Variants in ARID2 observed in about 807,000 individuals in gnomAD.
ARID2 encodes AT-rich interactive domain-containing protein 2.
Under a neutral mutation model 184.6 loss-of-function variants are expected in ARID2, and 32 were observed. The observed-to-expected ratio is 0.17, with a 90% CI of 0.13 to 0.23. The LOEUF (loss-of-function observed/expected upper bound fraction) is 0.23, where lower values mean the gene tolerates loss of function less well. Among genes scored for constraint, ARID2 ranks in the 10% least tolerant of loss-of-function variants. ARID2 has a pLI of 1.00. For synonymous variants in ARID2, 836 were observed against 772.6 expected (o/e 1.08, Z -1.36); for missense variants, 1,696 against 2,197.6 (o/e 0.77, Z 4.56).
chr12:45,873,255 T>A (rs1943953364), intron 16 of ARID2, among the ~76,000 whole-genome samples: 1 of 152,242 alleles, frequency 6.6e-6, no homozygotes, highest in South Asian at 2.1e-4. Context: ...TTACTTTTAA[T>A]CTGTGTCTTT....
chr12:45,839,269 A>G (rs1943287372), intron 10 of ARID2, 60 bp from the exon 11 acceptor site: 6 of 1,438,232 alleles, frequency 4.2e-6, no homozygotes, highest in Middle Eastern at 1.8e-4. Flanking sequence ...TGTGTTCACC[A>G]GTGATGGCAT....
chr12:45,823,802 C>G (rs900777301), intron 6 of ARID2, among the ~76,000 whole-genome samples: 1 of 152,082 alleles, frequency 6.6e-6, no homozygotes, highest in Non-Finnish European at 1.5e-5. Flanking sequence ...AAAAGTTTCT[C>G]AATGAAGAAA....
Position 45,837,407 on chromosome 12 carries a change from A to G in ARID2, c.1110A>G (p.Leu370=). 1 of 1,611,642 alleles carries G rather than the reference A, an allele frequency of 6.2e-7. No homozygotes were observed. The highest frequency in any genetic ancestry group is 8.5e-7 in the Non-Finnish European group (1 of 1,178,836). ...GTCTAATGTCAAGGGATAGATTTTT[A>G]AAGATGAGAGGTGAGTTTTCACTGA... ...TKCLMSRDRF[L]KMRGMEILGN... is the part of the protein sequence containing the mutation. The change falls in exon 9 of 21, where the codon TTA becomes TTG. Residue 370 remains leucine (L), a synonymous_variant. Coordinates refer to ENST00000334344, the MANE Select transcript of ARID2 (RefSeq NM_152641.4).
chr12:45,729,986 C>A (rs1940945513), intron 1 of ARID2, 58 bp downstream of exon 1: 1 of 1,605,806 alleles, frequency 6.2e-7, no homozygotes, highest in African/African-American at 1.3e-5. Context: ...GGGGCTCTCC[C>A]GCCCGGGCCG....
intron 3 of ARID2, among the ~76,000 whole-genome samples, chr12:45,731,761 G>C (rs988655119): frequency 1.3e-5 from 2 of 151,486 alleles, no homozygotes; most frequent in African/African-American, 4.9e-5. Flanking sequence ...CTTCTTGTTT[G>C]GAACAGTGTC....
intron 3 of ARID2, among the ~76,000 whole-genome samples, chr12:45,807,604 A>G (rs1350227699): frequency 6.6e-6 from 1 of 152,188 alleles, no homozygotes; most frequent in East Asian, 1.9e-4. Flanking sequence ...TCACATAAGA[A>G]AAAATTAGTT....
intron 6 of ARID2, among the ~76,000 whole-genome samples, chr12:45,831,619 G>A (rs927023711): frequency 1.3e-5 from 2 of 151,964 alleles, no homozygotes; most frequent in African/African-American, 4.8e-5. Flanking sequence ...TATTCATTCT[G>A]TCCAGCTATA....
At chr12:45,841,814 C>T (rs572039210) in intron 11 of ARID2, 235 of 152,192 alleles carry the variant, frequency 1.5e-3, no homozygotes, top group African/African-American at 5.3e-3. Context: ...ACTTGTATTC[C>T]AGTATCCTCA....
chr12:45,834,444 G>C (rs1218304445), intron 6 of ARID2, among the ~76,000 whole-genome samples: 1 of 152,070 alleles, frequency 6.6e-6, no homozygotes, highest in Non-Finnish European at 1.5e-5. Context: ...AAAATTCTAT[G>C]TTGGCAGGCT....
chr12:45,771,244 A>T (rs1407139731), intron 3 of ARID2, among the ~76,000 whole-genome samples: 1 of 151,820 alleles, frequency 6.6e-6, no homozygotes, highest in Non-Finnish European at 1.5e-5. Context: ...TGTGATCCCA[A>T]CTACTCAGGA....
chr12:45,799,707 A>G (rs1355210545), intron 3 of ARID2, among the ~76,000 whole-genome samples: 1 of 152,258 alleles, frequency 6.6e-6, no homozygotes, highest in Non-Finnish European at 1.5e-5. Flanking sequence ...GCAAATGTGT[A>G]AGTACCAAGG....
chr12:45,903,962 A>G (rs985898360), intron 20 of ARID2, among the ~76,000 whole-genome samples: 9 of 152,122 alleles, frequency 5.9e-5, no homozygotes, highest in Non-Finnish European at 1.3e-4. Context: ...ATATTTTAGT[A>G]TACTTGCTTT....
chr12:45,899,471 T>C (rs1425306168), intron 20 of ARID2, among the ~76,000 whole-genome samples: 15 of 149,498 alleles, frequency 1.0e-4, no homozygotes, highest in Admixed American at 1.0e-3. Flanking sequence ...CTGGGCGTGG[T>C]GGCGGGCGCC....
Position 45,850,057 on chromosome 12 carries a change from C to T in ARID2, c.1934C>T (p.Thr645Ile), listed in dbSNP as rs2138158683. ...SPAGIPHGSQTIGNHFQRTPV... is the reference protein window; with the variant it reads ...SPAGIPHGSQIIGNHFQRTPV... ...TCAGGAATCCCTCATGGATCACAAACCATAGGAAACCATTTTCAGAGGACT... is the reference window on the plus strand; with the variant it reads ...TCAGGAATCCCTCATGGATCACAAATCATAGGAAACCATTTTCAGAGGACT... Residue 645 changes from threonine (T) to isoleucine (I), a missense_variant, in exon 15 of 21, where the codon ACC (threonine) becomes ATC (isoleucine). Thr to Ile is a moderately conservative substitution (Grantham distance 89). Transcript: ENST00000334344. 1 of 1,613,176 alleles carries T rather than the reference C, an allele frequency of 6.2e-7. No individual in the cohort carries two copies.
At position 45,852,008 on chromosome 12, in the gene ARID2, T is replaced by C; in HGVS notation, c.3885T>C (p.Asn1295=). 1.2e-6 allele frequency: 2 copies of C among 1,614,082 alleles called. No homozygotes were observed. Among genetic ancestry groups the C allele is most frequent in the Non-Finnish European group, 1.7e-6 (2 of 1,180,002 alleles). ...ENEMHVGSLL[N]GRKYSDSSLP... is the part of the protein sequence containing the mutation. Reference sequence around the variant, plus strand: ...AAATGCATGTGGGAAGTCTTTTAAATGGGAGAAAGTACAGTGACTCAAGTC... The same window carrying C: ...AAATGCATGTGGGAAGTCTTTTAAACGGGAGAAAGTACAGTGACTCAAGTC... Residue 1295 remains asparagine (N), a synonymous_variant, in exon 15 of 21, where the codon AAT becomes AAC. Coordinates refer to ENST00000334344, the MANE Select transcript of ARID2 (RefSeq NM_152641.4).
chr12:45,834,720 A>T (rs1012491170), intron 6 of ARID2, among the ~76,000 whole-genome samples: 4 of 152,236 alleles, frequency 2.6e-5, no homozygotes, highest in East Asian at 1.9e-4. Flanking sequence ...AGCCTGGGTG[A>T]TAGAGCGAGA....
intron 16 of ARID2, among the ~76,000 whole-genome samples, chr12:45,878,977 TTTG>T (rs1041430386): frequency 3.3e-5 from 5 of 152,286 alleles, no homozygotes; most frequent in African/African-American, 4.8e-5. Context: ...TTTTTCTTCC[TTTG>T]TTGTTGTTGG....
intron 20 of ARID2, among the ~76,000 whole-genome samples, chr12:45,896,931 GA>G (rs1305893505): frequency 1.1e-4 from 17 of 152,218 alleles, no homozygotes; most frequent in Middle Eastern, 3.4e-3. Flanking sequence ...CTCAAAAAAA[GA>G]AAAATTCGTA....
chr12:45,747,629 T>A (rs1008672841), intron 3 of ARID2, among the ~76,000 whole-genome samples: 2 of 152,208 alleles, frequency 1.3e-5, no homozygotes, highest in Non-Finnish European at 2.9e-5. Flanking sequence ...CTGAAAGAAT[T>A]GAAAATTTCT....
Sources: gnomAD v4.1 joint callset for allele counts (sites outside exome capture counted in the v4.1 genomes callset) on GRCh38, gnomAD v4.1.1 for gene constraint, MANE v1.5 for transcripts, NCBI Gene and HGNC (gene_info 2026-07-23, HGNC 2026-07-21) for gene names.